The following CNOT2 variants were observed in gnomAD, a reference collection of about 807,000 sequenced individuals.
CNOT2 encodes the protein CC chemokine receptor 4-negative regulator of transcription 2.
In CNOT2, 7 loss-of-function variants were observed where a neutral mutation model predicts 72.1. The ratio of observed to expected loss-of-function variants is 0.10; its 90% CI spans 0.06 to 0.18. CNOT2 has a LOEUF of 0.18. CNOT2 is among the 10% of genes least tolerant of loss of function. CNOT2 has a pLI of 1.00. For missense variants in CNOT2, 345 were observed against 660.3 expected, an observed-to-expected ratio of 0.52 and a Z score of 5.23; for synonymous variants, 196 against 225.6, an observed-to-expected ratio of 0.87 and a Z score of 1.17.
At chr12:70,337,918 C>A (rs1171717890) in intron 9 of CNOT2, 1 of 315,904 alleles carries the variant, frequency 3.2e-6, no homozygotes, top group East Asian at 9.4e-5. Context: ...ATGTTTATTT[C>A]TTCCACATTT....
At position 70,330,375 on chromosome 12, in the gene CNOT2, A is replaced by G. The variant is rs1223858103; in HGVS notation, c.475A>G (p.Ser159Gly). The G allele has an allele frequency of 1.2e-6, 2 of 1,611,806 alleles. No individual in the cohort carries two copies. The highest frequency in any genetic ancestry group is 2.7e-5 in the African/African-American group (2 of 74,768). ...AATTCCTAGCAGGACAAATAGCATG[A>G]GCAGTTCAGGGTTAGGTAGCCCCAA... Reference protein sequence around the residue: ...IGIPSRTNSMSSSGLGSPNRS... With the variant: ...IGIPSRTNSMGSSGLGSPNRS... The change falls in exon 6 of 16, where the codon AGC becomes GGC. Residue 159 changes from serine to glycine, a missense_variant. Physicochemically the swap from Ser to Gly is moderately conservative, Grantham distance 56 (BLOSUM62 0). Around this residue, in one of 4 missense-constraint regions of CNOT2, gnomAD observed 157 missense variants for 235.3 expected, o/e 0.67. Transcript: ENST00000229195.
At chr12:70,352,715 C>T (rs1012278098) in intron 15 of CNOT2, among the ~76,000 whole-genome samples, 1 of 152,054 alleles carries the variant, frequency 6.6e-6, no homozygotes, top group African/African-American at 2.4e-5. Flanking sequence ...GCTTTTAGAG[C>T]CTCTTGCTTA....
At chr12:70,311,142 A>G (rs1876388097) in intron 3 of CNOT2, 125 bp downstream of exon 3, 3 of 624,086 alleles carry the variant, frequency 4.8e-6, no homozygotes, top group African/African-American at 3.7e-5. Context: ...GCACAGTGCT[A>G]GTCCCTTTGG....
At chr12:70,313,925 C>T (rs534533229) in intron 3 of CNOT2, among the ~76,000 whole-genome samples, 14 of 152,192 alleles carry the variant, frequency 9.2e-5, no homozygotes, top group African/African-American at 3.1e-4. Flanking sequence ...TTCTGTTTAC[C>T]ATACTGATCC....
intron 3 of CNOT2, among the ~76,000 whole-genome samples, chr12:70,315,525 T>C (rs1049645803): frequency 2.1e-4 from 32 of 152,198 alleles, no homozygotes; most frequent in African/African-American, 7.0e-4. Context: ...GTCATGGTCA[T>C]GGAATTTTTA....
rs189624361 is a variant in CNOT2 at position 70,254,688 on chromosome 12, T to C, written c.-96+11208T>C. Among the ~76,000 whole-genome samples, 502 of 152,184 alleles carry C rather than the reference T, an allele frequency of 3.3e-3. 2 individuals are homozygous for C. The highest frequency in any genetic ancestry group is 0.01 in the Middle Eastern group (3 of 294). ...TTATGCATTTTTATTTAAATAGATA[T>C]CTGGTTTATTAGGCTAGGCGCAGTA... On this transcript the variant is annotated intron_variant, in intron 1 of 15. Transcript: ENST00000229195.
intron 1 of CNOT2, among the ~76,000 whole-genome samples, chr12:70,275,553 A>G (rs1429165264): frequency 6.6e-6 from 1 of 152,072 alleles, no homozygotes; most frequent in Non-Finnish European, 1.5e-5. Context: ...CCATTGTTTC[A>G]TATATTTTGT....
intron 15 of CNOT2, among the ~76,000 whole-genome samples, chr12:70,347,113 T>C (rs1882277624): frequency 6.6e-6 from 1 of 152,130 alleles, no homozygotes; most frequent in Non-Finnish European, 1.5e-5. Context: ...AGGTTTATAA[T>C]TAAAGAGTTA....
At chr12:70,284,996 T>C (rs751027740) in intron 2 of CNOT2, among the ~76,000 whole-genome samples, 2 of 151,998 alleles carry the variant, frequency 1.3e-5, no homozygotes, top group East Asian at 4.0e-4. Flanking sequence ...GTGTGTTCGC[T>C]CTGGTGTTCC....
intron 1 of CNOT2, among the ~76,000 whole-genome samples, chr12:70,254,944 G>A (rs1165302031): frequency 1.4e-5 from 2 of 143,756 alleles, no homozygotes; most frequent in Non-Finnish European, 3.0e-5. Context: ...TCATGCCAGT[G>A]TACACCAGCC....
chr12:70,330,540 A>G (rs1167543482), intron 6 of CNOT2, 71 bp downstream of exon 6: 8 of 1,090,808 alleles, frequency 7.3e-6, no homozygotes, highest in Admixed American at 2.2e-5. Flanking sequence ...TCATATTTTC[A>G]CTTTGTTCTT....
chr12:70,331,554 G>A (rs978634273), intron 6 of CNOT2: 8 of 151,636 alleles, frequency 5.3e-5, no homozygotes, highest in Non-Finnish European at 1.0e-4. Flanking sequence ...AATGTAACAT[G>A]GATCTCTAAA....
intron 2 of CNOT2, among the ~76,000 whole-genome samples, chr12:70,303,699 C>T (rs142749319): frequency 7.9e-5 from 12 of 151,988 alleles, no homozygotes; most frequent in Non-Finnish European, 1.5e-4. Flanking sequence ...TGTGTCTTGG[C>T]GTTGCTCTTC....
intron 3 of CNOT2, among the ~76,000 whole-genome samples, chr12:70,314,990 A>T (rs199885281): frequency 1.3e-3 from 204 of 152,110 alleles, no homozygotes; most frequent in East Asian, 1.5e-3. Flanking sequence ...CAGCCTTCTG[A>T]GTAGCTGGGA....
intron 8 of CNOT2, chr12:70,336,477 A>C (rs1215462247): frequency 6.6e-6 from 1 of 152,136 alleles, no homozygotes; most frequent in East Asian, 1.9e-4. Flanking sequence ...TGAATTTAAA[A>C]GAATCAGTTC....
At chr12:70,276,836 G>T (rs940399805) in intron 1 of CNOT2, among the ~76,000 whole-genome samples, 1 of 151,984 alleles carries the variant, frequency 6.6e-6, no homozygotes, top group Non-Finnish European at 1.5e-5. Context: ...CTGTAAGATA[G>T]TCAGACTTAA....
chr12:70,274,717 C>T (rs182321678), intron 1 of CNOT2, among the ~76,000 whole-genome samples: 21 of 151,994 alleles, frequency 1.4e-4, no homozygotes, highest in African/African-American at 5.1e-4. Flanking sequence ...AGTAATTGAT[C>T]TATTTTTTGG....
chr12:70,304,669 T>A (rs1874870936), intron 2 of CNOT2, among the ~76,000 whole-genome samples: 1 of 152,252 alleles, frequency 6.6e-6, no homozygotes, highest in East Asian at 1.9e-4. Context: ...TCTCAAGCTG[T>A]GTGCTGGTAG....
At chr12:70,261,280 A>G (rs897340943) in intron 1 of CNOT2, among the ~76,000 whole-genome samples, 1 of 96,534 alleles carries the variant, frequency 1.0e-5, no homozygotes, top group Non-Finnish European at 2.3e-5. Flanking sequence ...TTTGTTGTGG[A>G]TCTTTGTGCC....
Sources: allele counts gnomAD v4.1 joint callset (sites outside exome capture counted in the v4.1 genomes callset), GRCh38; gene constraint gnomAD v4.1.1; regional missense constraint gnomAD v4.1.1; transcripts MANE v1.5; gene names NCBI Gene and HGNC (gene_info 2026-07-23, HGNC 2026-07-21).